Variants in GALNT13 observed in about 807,000 individuals in gnomAD.
GALNT13 encodes the protein UDP-GalNAc:polypeptide N-acetylgalactosaminyltransferase 13.
Under a neutral mutation model 64.2 loss-of-function variants are expected in GALNT13, and 28 were observed. The observed-to-expected ratio is 0.44, with a 90% CI of 0.32 to 0.60. GALNT13 has a LOEUF of 0.60. Ranked by LOEUF, GALNT13 falls within the 20% of genes least tolerant of loss-of-function variation. The pLI is 0.05. For synonymous variants in GALNT13, 214 were observed against 224.6 expected, an observed-to-expected ratio of 0.95 and a Z score of 0.42; for missense variants, 577 against 669.8, an observed-to-expected ratio of 0.86 and a Z score of 1.53.
At chr2:153,890,455 T>C (rs1652000630) in intron 1 of GALNT13, among the ~76,000 whole-genome samples, 1 of 152,024 alleles carries the variant, frequency 6.6e-6, no homozygotes, top group African/African-American at 2.4e-5. Flanking sequence ...TTAAGAATTC[T>C]GATCTCATAC....
At chr2:153,674,073 C>A in the GALNT13 span, among the ~76,000 whole-genome samples, 1 of 152,120 alleles carries the variant, frequency 6.6e-6, no homozygotes, top group Non-Finnish European at 1.5e-5. Context: ...AATGGAAGAA[C>A]ATTCTATGCT....
intron 2 of GALNT13, among the ~76,000 whole-genome samples, chr2:153,936,813 C>T (rs532992169): frequency 1.6e-4 from 25 of 152,080 alleles, no homozygotes; most frequent in East Asian, 1.5e-3. Flanking sequence ...CTCCACCTCC[C>T]GGGTTCAAGT....
chr2:153,678,140 A>G, the GALNT13 span, among the ~76,000 whole-genome samples: 1 of 142,248 alleles, frequency 7.0e-6, no homozygotes, highest in Non-Finnish European at 1.5e-5. Flanking sequence ...ATTTGCATCT[A>G]TGCATCCGAC....
At chr2:153,361,671 G>C in the GALNT13 span, among the ~76,000 whole-genome samples, 1 of 151,756 alleles carries the variant, frequency 6.6e-6, no homozygotes, top group Non-Finnish European at 1.5e-5. Flanking sequence ...CAAGATTTTA[G>C]AAAAAAAGAA....
chr2:154,356,143 T>G (rs549446744), intron 9 of GALNT13, among the ~76,000 whole-genome samples: 2 of 152,060 alleles, frequency 1.3e-5, no homozygotes, highest in Non-Finnish European at 2.9e-5. Context: ...AAAATCTGTT[T>G]GCTTTGTTTT....
intron 11 of GALNT13, among the ~76,000 whole-genome samples, chr2:154,418,396 A>G (rs1700114556): frequency 6.6e-6 from 1 of 152,138 alleles, no homozygotes; most frequent in Non-Finnish European, 1.5e-5. Context: ...TGAGATATGG[A>G]GATAATCTTG....
At chr2:153,394,143 C>G in the GALNT13 span, among the ~76,000 whole-genome samples, 1 of 151,990 alleles carries the variant, frequency 6.6e-6, no homozygotes, top group East Asian at 1.9e-4. Flanking sequence ...ACTTTTCCTG[C>G]CTCAGAAAAT....
the GALNT13 span, among the ~76,000 whole-genome samples, chr2:153,695,165 C>T: frequency 6.6e-6 from 1 of 152,144 alleles, no homozygotes; most frequent in Non-Finnish European, 1.5e-5. Context: ...AACAGAGACT[C>T]AGTGCCCAGG....
rs528000896 is a variant in GALNT13 at position 154,242,329 on chromosome 2, C to T, written c.478+133C>T. On this transcript the variant is annotated intron_variant, in intron 5 of 12. Coordinates refer to ENST00000392825, the MANE Select transcript of GALNT13 (RefSeq NM_052917.4). ...TATATTTGCATTATAATTTTACTAG[C>T]CCTGCCACAGCCTATCAGATTCTCA... 5.4e-4 allele frequency: 393 copies of T among 726,234 alleles called. 4 individuals are homozygous for T. Among genetic ancestry groups the T allele is most frequent in the Non-Finnish European group, 9.0e-5 (41 of 453,350 alleles). 45.0% of individuals were successfully genotyped at this position (726,234 alleles called of 1,614,324 possible).
intron 2 of GALNT13, among the ~76,000 whole-genome samples, chr2:153,938,329 A>G (rs1039887582): frequency 6.6e-6 from 1 of 152,212 alleles, no homozygotes; most frequent in African/African-American, 2.4e-5. Context: ...ATGTAGATGC[A>G]TAGTGATCAG....
the GALNT13 span, among the ~76,000 whole-genome samples, chr2:153,679,796 A>G: frequency 6.6e-6 from 1 of 151,868 alleles, no homozygotes. Flanking sequence ...TTGGGACACG[A>G]TATAACAAAT....
intron 4 of GALNT13, among the ~76,000 whole-genome samples, chr2:154,191,740 G>A (rs1008896894): frequency 1.3e-5 from 2 of 152,134 alleles, no homozygotes; most frequent in African/African-American, 4.8e-5. Context: ...GGGAGAGCAG[G>A]CAGATGGGCA....
At chr2:154,381,380 C>CT (rs1698262484) in intron 9 of GALNT13, among the ~76,000 whole-genome samples, 1 of 152,022 alleles carries the variant, frequency 6.6e-6, no homozygotes, top group African/African-American at 2.4e-5. Flanking sequence ...CCCTGACCAC[C>CT]CCTTCCTGAC....
At chr2:153,620,521 T>G in the GALNT13 span, among the ~76,000 whole-genome samples, 1 of 151,978 alleles carries the variant, frequency 6.6e-6, no homozygotes, top group Non-Finnish European at 1.5e-5. Flanking sequence ...CAATTATTTC[T>G]TCTGCTTGAT....
the GALNT13 span, among the ~76,000 whole-genome samples, chr2:153,304,761 G>A: frequency 6.6e-6 from 1 of 152,280 alleles, no homozygotes; most frequent in Non-Finnish European, 1.5e-5. Flanking sequence ...CAGGTTTCAT[G>A]TGTACTCCAG....
Position 154,400,334 on chromosome 2 carries a change from AT to A in GALNT13, c.1296+4207del, listed in dbSNP as rs1699245398. On this transcript the variant is annotated intron_variant, in intron 10 of 12. Transcript: ENST00000392825. ...AACAATATTTCTTTGCAGTATATTC[AT>A]TTGTACTTCTCACTGAATTTGAAAT... is the stretch of plus-strand genomic sequence containing the variant. 2.6e-5 allele frequency among the ~76,000 whole-genome samples: 4 copies of A among 152,270 alleles called. No individual in the cohort carries two copies. In the South Asian group the frequency reaches 8.3e-4, roughly 32 times the overall value.
chr2:153,941,573 C>A (rs939851195), intron 2 of GALNT13, among the ~76,000 whole-genome samples: 3 of 152,116 alleles, frequency 2.0e-5, no homozygotes, highest in Admixed American at 6.6e-5. Context: ...AAACATAATA[C>A]AGATGCTGAT....
chr2:153,418,716 G>C, the GALNT13 span, among the ~76,000 whole-genome samples: 3 of 152,078 alleles, frequency 2.0e-5, no homozygotes, highest in Non-Finnish European at 4.4e-5. Flanking sequence ...AGGGTAGCCG[G>C]GCATGGTGGT....
intron 3 of GALNT13, among the ~76,000 whole-genome samples, chr2:154,127,355 T>C (rs1682344631): frequency 6.6e-6 from 1 of 152,120 alleles, no homozygotes; most frequent in Non-Finnish European, 1.5e-5. Context: ...AATAAACTAC[T>C]TTTTTCTTGC....
Sources: gnomAD v4.1 joint callset for allele counts (sites outside exome capture counted in the v4.1 genomes callset) on GRCh38, gnomAD v4.1.1 for gene constraint, MANE v1.5 for transcripts, NCBI Gene and HGNC (gene_info 2026-07-23, HGNC 2026-07-21) for gene names.